CHD1L: variants seen among roughly 807,000 people sequenced by gnomAD.
CHD1L encodes the protein ATP-dependent chromatin remodeler CHD1L.
In CHD1L, 118 loss-of-function variants were observed where a neutral mutation model predicts 115.9. The observed-to-expected ratio is 1.02, with a 90% CI of 0.88 to 1.19. The LOEUF is 1.19. Among genes scored for constraint, CHD1L ranks in the 50% most tolerant of loss-of-function variants. The pLI is 0.00. For synonymous variants in CHD1L, 411 were observed against 387.1 expected (o/e 1.06, Z -0.72); for missense variants, 1,179 against 1,065.3 (o/e 1.11, Z -1.49).
intron 19 of CHD1L, among the ~76,000 whole-genome samples, chr1:147,288,338 A>AAAAAAG (rs1553967824): frequency 7.0e-3 from 6 of 858 alleles, no homozygotes; most frequent in East Asian, 0.1. Flanking sequence ...AAAAAAAAAA[A>AAAAAAG]AAAAAAAAGA....
chr1:147,195,455 T>C, the CHD1L span, among the ~76,000 whole-genome samples: 1 of 152,138 alleles, frequency 6.6e-6, no homozygotes, highest in African/African-American at 2.4e-5. Context: ...AATCACATTT[T>C]ATGCCTAAAG....
the CHD1L span, among the ~76,000 whole-genome samples, chr1:147,230,952 A>G: frequency 1.3e-5 from 2 of 151,996 alleles, no homozygotes; most frequent in African/African-American, 4.8e-5. Flanking sequence ...CTTTTCAAAA[A>G]AAAAGCTCCT....
the CHD1L span, chr1:147,204,735 TG>T: frequency 5.9e-6 from 9 of 1,513,664 alleles, no homozygotes; most frequent in Non-Finnish European, 8.3e-6. Context: ...CTGCATCATT[TG>T]TCACAAACAA....
Position 147,286,307 on chromosome 1 carries a change from G to A in CHD1L, c.2028G>A (p.Trp676Ter). ...CTCTGGCCTGCTAAAGGATGGCCTG[G>A]TGGGAATCCAACAATTACCAGTCCT... ...EEAEHKKKMA[W>*]WESNNYQSFC... Residue 676 changes from tryptophan to a stop codon, truncating the protein, a stop_gained, in exon 18 of 23, where the codon TGG becomes TGA. Transcript: ENST00000369258. LOFTEE classifies it high-confidence loss of function. The A allele has an allele frequency of 1.2e-6, 2 of 1,613,958 alleles. No homozygotes were observed. The highest frequency in any genetic ancestry group is 2.2e-5 in the East Asian group (1 of 44,878).
At chr1:147,185,106 A>G in the CHD1L span, among the ~76,000 whole-genome samples, 6 of 152,186 alleles carry the variant, frequency 3.9e-5, no homozygotes, top group South Asian at 1.2e-3. Context: ...TTGTATCTTA[A>G]GTTGTTTTGA....
the CHD1L span, chr1:147,209,622 T>C: frequency 6.6e-6 from 1 of 152,426 alleles, no homozygotes; most frequent in Non-Finnish European, 1.5e-5. Flanking sequence ...TTCTGTTTAG[T>C]GCTATTATGC....
At chr1:147,175,535 T>C in the CHD1L span, 1 of 152,104 alleles carries the variant, frequency 6.6e-6, no homozygotes, top group Non-Finnish European at 1.5e-5. Context: ...GATGATGGTT[T>C]TAAAAGTGTT....
chr1:147,243,116 C>A, intron 1 of CHD1L: 2 of 269,852 alleles, frequency 7.4e-6, no homozygotes, highest in South Asian at 1.7e-4. Flanking sequence ...GTGAGATCAG[C>A]GCCACCTGCA....
the CHD1L span, among the ~76,000 whole-genome samples, chr1:147,195,813 C>T: frequency 6.6e-6 from 1 of 152,098 alleles, no homozygotes; most frequent in African/African-American, 2.4e-5. Flanking sequence ...TACAAGCATT[C>T]TTTCTACAAG....
In CHD1L at chr1:147,286,460, T is replaced by C. The variant is rs1553965962; in HGVS notation, c.2181T>C (p.Pro727=). The change falls in exon 18 of 23, where the codon CCT becomes CCC. Residue 727 remains proline, a synonymous_variant. Transcript: ENST00000369258. ...LKYVSGDVTH[P]QAGAEDALIV... ...ACGTTAGTGGTGATGTCACCCACCCTCAGGCTGGGGCCGAGGATGCTCTCA... is the reference window on the plus strand; with the variant it reads ...ACGTTAGTGGTGATGTCACCCACCCCCAGGCTGGGGCCGAGGATGCTCTCA... 1 of 1,614,096 alleles carries C rather than the reference T, an allele frequency of 6.2e-7. No individual in the cohort carries two copies. Among genetic ancestry groups the C allele is most frequent in the Admixed American group, 1.7e-5 (1 of 60,024 alleles).
Position 147,270,868 on chromosome 1 carries a change from C to A in CHD1L, c.1086-64C>A. ...ACTTTTATTGTTTGGTAAATTTTGC[C>A]TGAGGGAAATTGACCTTAAATACCA... On this transcript the variant is annotated intron_variant, in intron 10 of 22. Transcript: ENST00000369258. The A allele has an allele frequency of 2.2e-6, 3 of 1,356,654 alleles. No individual in the cohort carries two copies. The Admixed American group carries it at 5.2e-5, about 23-fold the overall frequency. 84.0% of individuals were successfully genotyped at this position (1,356,654 alleles called of 1,614,324 possible).
chr1:147,273,157 T>C (rs1312541933), intron 12 of CHD1L, among the ~76,000 whole-genome samples: 1 of 152,140 alleles, frequency 6.6e-6, no homozygotes, highest in Non-Finnish European at 1.5e-5. Context: ...GAGCCAAGAT[T>C]GCACCACTAC....
intron 3 of CHD1L, among the ~76,000 whole-genome samples, chr1:147,255,350 C>T (rs965717151): frequency 6.6e-6 from 1 of 152,146 alleles, no homozygotes; most frequent in African/African-American, 2.4e-5. Context: ...GCCTCAGCCT[C>T]CCAAGTAGCT....
intron 19 of CHD1L, among the ~76,000 whole-genome samples, chr1:147,288,322 C>CATTAAAAAAAAAAAAAAAAAAAAAAAA (rs1452486110): frequency 1.1e-5 from 1 of 87,894 alleles, no homozygotes; most frequent in Non-Finnish European, 2.1e-5. Flanking sequence ...GACCCTGTTT[C>CATTAAAAAAAAAAAAAAAAAAAAAAAA]AATAAAAAAA....
intron 3 of CHD1L, among the ~76,000 whole-genome samples, chr1:147,255,269 C>A (rs1553939277): frequency 6.6e-6 from 1 of 152,094 alleles, no homozygotes; most frequent in Non-Finnish European, 1.5e-5. Flanking sequence ...CTCTTGTTGC[C>A]CAGGCTGAAG....
At position 147,265,971 on chromosome 1, in the gene CHD1L, G is replaced by T. The variant is rs1673755990; in HGVS notation, c.779G>T (p.Arg260Met). The T allele has an allele frequency of 6.2e-7, 1 of 1,613,430 alleles. No homozygotes were observed. Among genetic ancestry groups the T allele is most frequent in the Non-Finnish European group, 8.5e-7 (1 of 1,179,808 alleles). Reference sequence around the variant, plus strand: ...AAACTCTTGCAGCCATTTCTGCTGAGGCGAGTGAAAGCTGAGGTAGCTACA... The same window carrying T: ...AAACTCTTGCAGCCATTTCTGCTGATGCGAGTGAAAGCTGAGGTAGCTACA... ...LHKLLQPFLL[R>M]RVKAEVATEL... is the part of the protein sequence containing the mutation. The change falls in exon 8 of 23, where the codon AGG (arginine) becomes ATG (methionine). Residue 260 changes from arginine to methionine, a missense_variant. Physicochemically the swap from Arg to Met is moderately conservative, Grantham distance 91. Transcript: ENST00000369258.
chr1:147,236,113 G>A, the CHD1L span, among the ~76,000 whole-genome samples: 1 of 152,198 alleles, frequency 6.6e-6, no homozygotes, highest in Non-Finnish European at 1.5e-5. Flanking sequence ...TGCCAGTATG[G>A]GCACTGACTC....
At chr1:147,294,356 C>G in intron 21 of CHD1L, 53 bp from the exon 22 acceptor site, 1 of 1,278,826 alleles carries the variant, frequency 7.8e-7, no homozygotes, top group Non-Finnish European at 1.1e-6. Context: ...GTATTTTATA[C>G]CCATCAATCA....
chr1:147,279,742 ATTC>A (rs1210968643), intron 14 of CHD1L, among the ~76,000 whole-genome samples: 1 of 152,162 alleles, frequency 6.6e-6, no homozygotes, highest in Admixed American at 6.5e-5. Flanking sequence ...AGTTACTATT[ATTC>A]TTCAAAAAAA....
Sources: allele counts gnomAD v4.1 joint callset (sites outside exome capture counted in the v4.1 genomes callset), GRCh38; gene constraint gnomAD v4.1.1; transcripts MANE v1.5; gene names NCBI Gene and HGNC (gene_info 2026-07-23, HGNC 2026-07-21).